The following MRPL1 variants were observed in gnomAD, a reference collection of about 807,000 sequenced individuals.
MRPL1 encodes large ribosomal subunit protein uL1m.
MRPL1 carries 28 observed loss-of-function variants against 38.0 expected under a neutral mutation model. The observed-to-expected ratio is 0.74, with a 90% CI of 0.55 to 1.01. The LOEUF (loss-of-function observed/expected upper bound fraction) is 1.01, where lower values mean the gene tolerates loss of function less well. Among genes scored for constraint, MRPL1 ranks in the 50% least tolerant of loss-of-function variants. The probability of loss-of-function intolerance (pLI) is 0.00; values close to 1 mark genes in which losing one functional copy is unlikely to be tolerated. For missense variants in MRPL1, 358 were observed against 389.8 expected, an observed-to-expected ratio of 0.92 and a Z score of 0.69; for synonymous variants, 123 against 126.7, an observed-to-expected ratio of 0.97 and a Z score of 0.20.
intron 6 of MRPL1, among the ~76,000 whole-genome samples, chr4:77,907,383 C>G (rs1012459277): frequency 2.0e-5 from 3 of 152,058 alleles, no homozygotes; most frequent in African/African-American, 7.2e-5. Context: ...TATTTAGTTG[C>G]ATCCCTTTCT....
chr4:77,908,828 T>A (rs1172864695), intron 6 of MRPL1, among the ~76,000 whole-genome samples: 2 of 152,168 alleles, frequency 1.3e-5, no homozygotes, highest in Admixed American at 1.3e-4. Context: ...GGGCGATGGA[T>A]CTGCTTGCAG....
At chr4:77,866,963 G>A (rs538932873) in intron 1 of MRPL1, among the ~76,000 whole-genome samples, 198 of 151,970 alleles carry the variant, frequency 1.3e-3, no homozygotes, top group African/African-American at 4.7e-3. Flanking sequence ...GGCCAGGCTG[G>A]TCTCGACCTC....
At chr4:77,943,131 T>C (rs1052432708) in intron 7 of MRPL1, among the ~76,000 whole-genome samples, 3 of 152,142 alleles carry the variant, frequency 2.0e-5, no homozygotes, top group Admixed American at 6.5e-5. Flanking sequence ...ATTTCCTTCA[T>C]TTATGAAGCT....
chr4:77,917,528 C>T (rs1736448750), intron 7 of MRPL1, among the ~76,000 whole-genome samples: 1 of 151,626 alleles, frequency 6.6e-6, no homozygotes, highest in African/African-American at 2.4e-5. Context: ...ATTTTCTGAT[C>T]AGGTAAAATT....
At position 77,879,456 on chromosome 4, in the gene MRPL1, T is replaced by C. The variant is rs192316742; in HGVS notation, c.144-3786T>C. ...TGCAATATACCCAACTCAGACTCTTTATGTATCAGACTTTCATTGAATTTT... is the reference window on the plus strand; with the variant it reads ...TGCAATATACCCAACTCAGACTCTTCATGTATCAGACTTTCATTGAATTTT... On this transcript the variant is annotated intron_variant, in intron 2 of 8. Coordinates refer to ENST00000315567, the MANE Select transcript of MRPL1 (RefSeq NM_020236.4). 2.0e-3 allele frequency among the ~76,000 whole-genome samples: 312 copies of C among 152,320 alleles called. 1 individual carries two copies. The highest frequency in any genetic ancestry group is 7.1e-3 in the African/African-American group (296 of 41,572).
intron 7 of MRPL1, among the ~76,000 whole-genome samples, chr4:77,945,573 C>T (rs1737240373): frequency 2.0e-5 from 3 of 151,844 alleles, no homozygotes; most frequent in Middle Eastern, 3.4e-3. Flanking sequence ...AATCCTTTAT[C>T]GGGGGAACCT....
chr4:77,914,489 G>C (rs898887754), intron 7 of MRPL1, among the ~76,000 whole-genome samples: 1 of 152,048 alleles, frequency 6.6e-6, no homozygotes. Context: ...AATTAAAAAC[G>C]TGCAGTATGT....
At chr4:77,880,394 ACT>A (rs1261811402) in intron 2 of MRPL1, among the ~76,000 whole-genome samples, 1 of 150,220 alleles carries the variant, frequency 6.7e-6, no homozygotes, top group Non-Finnish European at 1.5e-5. Flanking sequence ...AGGGGAAAAG[ACT>A]CTCACTTTTA....
At chr4:77,920,531 G>A (rs1371935013) in intron 7 of MRPL1, among the ~76,000 whole-genome samples, 1 of 152,154 alleles carries the variant, frequency 6.6e-6, no homozygotes, top group East Asian at 1.9e-4. Flanking sequence ...GCTCTAGTAA[G>A]CTCTTTCCCA....
At chr4:77,949,909 A>C in intron 8 of MRPL1, 31 bp downstream of exon 8, 2 of 1,384,120 alleles carry the variant, frequency 1.4e-6, no homozygotes, top group Non-Finnish European at 2.0e-6. Flanking sequence ...AGACTTCCCT[A>C]TGACCCTGTG....
intron 7 of MRPL1, among the ~76,000 whole-genome samples, chr4:77,946,082 C>T (rs982579551): frequency 2.0e-5 from 3 of 152,062 alleles, no homozygotes; most frequent in Non-Finnish European, 2.9e-5. Flanking sequence ...GAGACCAGGG[C>T]GTATTTCAGT....
At chr4:77,941,559 T>C (rs765641959) in intron 7 of MRPL1, among the ~76,000 whole-genome samples, 7 of 152,214 alleles carry the variant, frequency 4.6e-5, no homozygotes, top group Non-Finnish European at 1.0e-4. Flanking sequence ...TCACTGCTTA[T>C]TATTGGTCTG....
At chr4:77,916,272 A>C (rs1312933510) in intron 7 of MRPL1, among the ~76,000 whole-genome samples, 1 of 152,336 alleles carries the variant, frequency 6.6e-6, no homozygotes, top group East Asian at 1.9e-4. Context: ...ACATTTAAAA[A>C]ATTTCAAATT....
intron 7 of MRPL1, among the ~76,000 whole-genome samples, chr4:77,940,784 C>T (rs1324621809): frequency 1.3e-5 from 2 of 152,068 alleles, no homozygotes; most frequent in African/African-American, 4.8e-5. Flanking sequence ...ATGCTTTTTT[C>T]TGCATCTATT....
Position 77,882,490 on chromosome 4 carries a change from ACCT to A in MRPL1, c.144-747_144-745del, listed in dbSNP as rs779105863. Among the ~76,000 whole-genome samples, 7 of 151,918 alleles carry A rather than the reference ACCT, an allele frequency of 4.6e-5. No homozygotes were observed. The South Asian group carries it at 1.5e-3, about 32-fold the overall frequency. On this transcript the variant is annotated intron_variant, in intron 2 of 8. Transcript: ENST00000315567. Reference sequence around the variant, plus strand: ...TGAGCATTCACTTCTTGTTCCCCTAACCTCCTCTTCTAGCACTAGACAACCACC... The same window carrying A: ...TGAGCATTCACTTCTTGTTCCCCTAACCTCTTCTAGCACTAGACAACCACC...
intron 6 of MRPL1, among the ~76,000 whole-genome samples, chr4:77,901,634 A>T (rs1277334899): frequency 2.6e-5 from 4 of 152,200 alleles, no homozygotes; most frequent in African/African-American, 9.6e-5. Flanking sequence ...TAAGACAATG[A>T]TTATTATTAG....
At position 77,883,460 on chromosome 4, in the gene MRPL1, T is replaced by C. The variant is rs758334657; in HGVS notation, c.362T>C (p.Val121Ala). 6.2e-7 allele frequency: 1 copy of C among 1,613,688 alleles called. No individual in the cohort carries two copies. Among genetic ancestry groups the C allele is most frequent in the Non-Finnish European group, 8.5e-7 (1 of 1,179,772 alleles). ...ILDFTSPKQS[V>A]YLDLTLDMAL... is the part of the protein sequence containing the mutation. ...GACTTTACTAGTCCAAAGCAAAGTG[T>C]TTATCTTGATTTGACACTGGATATG... Residue 121 changes from valine to alanine, a missense_variant, in exon 3 of 9, where the codon GTT becomes GCT. Coordinates refer to ENST00000315567, the MANE Select transcript of MRPL1 (RefSeq NM_020236.4).
intron 7 of MRPL1, among the ~76,000 whole-genome samples, chr4:77,934,267 A>G (rs896242574): frequency 1.3e-5 from 2 of 152,242 alleles, no homozygotes; most frequent in East Asian, 3.8e-4. Context: ...AAGGCAACCC[A>G]CTGAATGGGA....
At position 77,886,789 on chromosome 4, in the gene MRPL1, CTTTTTTTTTTTT is replaced by C. The variant is rs71214375; in HGVS notation, c.487-421_487-410del. Among the ~76,000 whole-genome samples, 4 of 90,516 alleles carry C rather than the reference CTTTTTTTTTTTT, an allele frequency of 4.4e-5. No homozygotes were observed. The Admixed American group carries it at 6.2e-4, about 14-fold the overall frequency. The allele number at this position is 90,516 out of a possible 152,430, so 59.4% of individuals were successfully genotyped here. On this transcript the variant is annotated intron_variant, in intron 4 of 8. Transcript: ENST00000315567. Reference sequence around the variant, plus strand: ...GCTCACTGCACCTGGTTTGCATTTTCTTTTTTTTTTTTTTTTTTTTTGAGATGGAGTCTCACT... The same window carrying C: ...GCTCACTGCACCTGGTTTGCATTTTCTTTTTTTTTGAGATGGAGTCTCACT...
Sources: gnomAD v4.1 joint callset for allele counts (sites outside exome capture counted in the v4.1 genomes callset) on GRCh38, gnomAD v4.1.1 for gene constraint, MANE v1.5 for transcripts, NCBI Gene and HGNC (gene_info 2026-07-23, HGNC 2026-07-21) for gene names.